The following MTOR variants were observed in gnomAD, a reference collection of about 807,000 sequenced individuals.
MTOR encodes the protein serine/threonine-protein kinase mTOR.
A neutral mutation model predicts 319.8 loss-of-function variants in MTOR; 70 were observed. The ratio of observed to expected loss-of-function variants is 0.22; its 90% CI spans 0.18 to 0.27. The LOEUF (loss-of-function observed/expected upper bound fraction) is 0.27, where lower values mean the gene tolerates loss of function less well. Ranked by LOEUF, MTOR falls within the 10% of genes least tolerant of loss-of-function variation. MTOR has a pLI of 1.00. For missense variants in MTOR, 1,890 were observed against 3,274.4 expected, an observed-to-expected ratio of 0.58 and a Z score of 10.32; for synonymous variants, 1,183 against 1,211.4, an observed-to-expected ratio of 0.98 and a Z score of 0.49.
At chr1:11,250,556 TC>T (rs1237203165) in intron 6 of MTOR, among the ~76,000 whole-genome samples, 1 of 152,230 alleles carries the variant, frequency 6.6e-6, no homozygotes, top group East Asian at 1.9e-4. Context: ...TCTGCCTTGG[TC>T]CTCTTCATCT....
chr1:11,225,649 G>A (rs1040341242), intron 19 of MTOR, among the ~76,000 whole-genome samples: 5 of 152,110 alleles, frequency 3.3e-5, no homozygotes, highest in East Asian at 1.9e-4. Context: ...GTTGAACTCC[G>A]AACCTCAGAT....
At chr1:11,149,826 C>T (rs1644075017) in intron 31 of MTOR, among the ~76,000 whole-genome samples, 1 of 152,178 alleles carries the variant, frequency 6.6e-6, no homozygotes, top group Admixed American at 6.5e-5. Flanking sequence ...CATCTGGCAT[C>T]AGTACTCTGT....
Position 11,199,713 on chromosome 1 carries a change from G to C in MTOR, c.3945-10C>G. ...AGCATTGAAGAGATCCCTGAAGGCA[G>C]AGAAGGTGGAAAATGGAGAGACCTC... is the stretch of plus-strand genomic sequence containing the variant. On this transcript the variant is annotated splice_polypyrimidine_tract_variant and intron_variant, in intron 26 of 57. Transcript: ENST00000361445. The surrounding 1 kb of genome is among the most constrained non-coding windows in gnomAD (Gnocchi z 4.5). The C allele has an allele frequency of 6.2e-7, 1 of 1,612,818 alleles. No individual in the cohort carries two copies. The highest frequency in any genetic ancestry group is 8.5e-7 in the Non-Finnish European group (1 of 1,178,946).
intron 38 of MTOR, chr1:11,131,485 G>C (rs1643156005): frequency 6.5e-6 from 1 of 152,674 alleles, no homozygotes; most frequent in Non-Finnish European, 1.5e-5. Flanking sequence ...TATTTCAAGG[G>C]AGCAAAGTTT....
intron 29 of MTOR, among the ~76,000 whole-genome samples, chr1:11,162,493 A>G (rs1362291056): frequency 6.6e-6 from 1 of 152,214 alleles, no homozygotes; most frequent in African/African-American, 2.4e-5. Flanking sequence ...CAGATTCACC[A>G]AAGGTGAAAT....
rs1649026001 is a variant in MTOR at position 11,247,634 on chromosome 1, CAGA to C, written c.1213_1215del (p.Ser405del). 2 of 1,613,934 alleles carry C rather than the reference CAGA, an allele frequency of 1.2e-6. No individual in the cohort carries two copies. Among genetic ancestry groups the C allele is most frequent in the Admixed American group, 1.7e-5 (1 of 59,988 alleles). On this transcript the variant is annotated inframe_deletion, in exon 8 of 58. Transcript: ENST00000361445. ...CCATGGACATCCTCACCTGTGAAGGCAGAAGGTCGGAATGCAGCCAAGCGGGGC... is the reference window on the plus strand; with the variant it reads ...CCATGGACATCCTCACCTGTGAAGGCAGGTCGGAATGCAGCCAAGCGGGGC...
intron 30 of MTOR, among the ~76,000 whole-genome samples, chr1:11,155,365 C>T (rs1557782019): frequency 6.6e-6 from 1 of 151,952 alleles, no homozygotes; most frequent in Non-Finnish European, 1.5e-5. Context: ...ATATACTACC[C>T]TGAAATATAG....
At position 11,128,731 on chromosome 1, in the gene MTOR, C is replaced by T; in HGVS notation, c.5811+124G>A. On this transcript the variant is annotated intron_variant, in intron 41 of 57. Coordinates refer to ENST00000361445, the MANE Select transcript of MTOR (RefSeq NM_004958.4). This position sits in a 1 kb window ranked among gnomAD's most constrained non-coding sequence, Gnocchi z 5.3. ...ATGGACACTTGACACTGGGACCGAGCCCTACTTCCTTAGCACTGTATTAAC... is the reference window on the plus strand; with the variant it reads ...ATGGACACTTGACACTGGGACCGAGTCCTACTTCCTTAGCACTGTATTAAC... 2.0e-6 allele frequency: 2 copies of T among 1,018,332 alleles called. No homozygotes were observed. The highest frequency in any genetic ancestry group is 1.5e-6 in the Non-Finnish European group (1 of 675,394). The allele number at this position is 1,018,332 out of a possible 1,614,324, so 63.1% of individuals were successfully genotyped here.
chr1:11,127,723 A>G lies in MTOR; in HGVS notation c.6117T>C (p.Phe2039=), dbSNP rs1642912763. ...EGLEEASRLY[F]GERNVKGMFE... ...ACATGCCTTTCACGTTCCTTTCCCCAAAGTACAAACGAGATGCCTCTTCCA... is the reference window on the plus strand; with the variant it reads ...ACATGCCTTTCACGTTCCTTTCCCCGAAGTACAAACGAGATGCCTCTTCCA... Residue 2039 remains phenylalanine (F), a synonymous_variant, in exon 44 of 58, where the codon TTT becomes TTC. Coordinates refer to ENST00000361445, the MANE Select transcript of MTOR (RefSeq NM_004958.4). This position sits in a 1 kb window ranked among gnomAD's most constrained non-coding sequence, Gnocchi z 5.5. The G allele has an allele frequency of 1.9e-6, 3 of 1,614,144 alleles. No homozygotes were observed. The highest frequency in any genetic ancestry group is 1.1e-5 in the South Asian group (1 of 91,092).
intron 38 of MTOR, chr1:11,131,964 T>TTCA (rs2100440716): frequency 6.6e-6 from 1 of 152,358 alleles, no homozygotes; most frequent in South Asian, 2.1e-4. Flanking sequence ...TTCCCATACC[T>TTCA]TCATTTATTC....
chr1:11,244,062 G>A (rs1433360523), intron 8 of MTOR, among the ~76,000 whole-genome samples: 4 of 151,670 alleles, frequency 2.6e-5, no homozygotes, highest in Admixed American at 2.6e-4. Flanking sequence ...GGACACCAAG[G>A]CAGGAGGATC....
At chr1:11,224,801 G>A (rs915594203) in intron 19 of MTOR, among the ~76,000 whole-genome samples, 4 of 151,900 alleles carry the variant, frequency 2.6e-5, no homozygotes, top group African/African-American at 9.7e-5. Flanking sequence ...ATAACTCAAG[G>A]GTAAAAGAAG....
Position 11,115,353 on chromosome 1 carries a change from T to A in MTOR, c.7089+43A>T, listed in dbSNP as rs769835039. On this transcript the variant is annotated intron_variant, in intron 51 of 57. Transcript: ENST00000361445. The surrounding 1 kb of genome is among the most constrained non-coding windows in gnomAD (Gnocchi z 4.5). ...AGTGTCAGAGGAGGGGGAAAAGTGA[T>A]CACCCGGGAAGATGAGGTTGGGGTT... The A allele has an allele frequency of 6.3e-7, 1 of 1,591,712 alleles. No individual in the cohort carries two copies. The highest frequency in any genetic ancestry group is 1.1e-5 in the South Asian group (1 of 90,584).
chr1:11,229,777 C>G (rs1032669087), intron 18 of MTOR, among the ~76,000 whole-genome samples: 5 of 152,032 alleles, frequency 3.3e-5, no homozygotes, highest in Admixed American at 2.6e-4. Flanking sequence ...CCCCATACCC[C>G]ACCCCCATTC....
intron 9 of MTOR, 74 bp from the exon 10 acceptor site, chr1:11,241,755 G>C: frequency 6.5e-7 from 1 of 1,545,148 alleles, no homozygotes; most frequent in Non-Finnish European, 8.8e-7. Flanking sequence ...ATCACCTTGG[G>C]GCAAGGAGAG....
intron 30 of MTOR, among the ~76,000 whole-genome samples, chr1:11,153,866 C>T (rs1466560150): frequency 6.6e-6 from 1 of 151,720 alleles, no homozygotes; most frequent in Non-Finnish European, 1.5e-5. Context: ...GTTGGGAGTT[C>T]AAGACCAGCC....
Position 11,186,991 on chromosome 1 carries a change from G to C in MTOR, c.4253+12267C>G, listed in dbSNP as rs549605430. 9.8e-4 allele frequency among the ~76,000 whole-genome samples: 149 copies of C among 152,332 alleles called. 1 individual carries two copies. The highest frequency in any genetic ancestry group is 5.2e-3 in the South Asian group (25 of 4,828). On this transcript the variant is annotated intron_variant, in intron 28 of 57. Transcript: ENST00000361445. ...GACCAGACACTCATGCTAAAGGCTA[G>C]ATGCTTCCAATACAAACTTACGAAC...
chr1:11,145,921 G>A (rs1223358550), intron 32 of MTOR, among the ~76,000 whole-genome samples: 1 of 152,190 alleles, frequency 6.6e-6, no homozygotes, highest in Non-Finnish European at 1.5e-5. Context: ...CTGTCCTTAT[G>A]AGGGAGTGTC....
chr1:11,203,459 G>A (rs923331200), intron 26 of MTOR, among the ~76,000 whole-genome samples: 23 of 152,132 alleles, frequency 1.5e-4, no homozygotes, highest in African/African-American at 5.1e-4. Flanking sequence ...CAGATCACTT[G>A]AGGCCAGGAG....
Sources: allele counts gnomAD v4.1 joint callset (sites outside exome capture counted in the v4.1 genomes callset), GRCh38; gene constraint gnomAD v4.1.1; non-coding constraint Gnocchi (gnomAD v3.1); transcripts MANE v1.5; gene names NCBI Gene and HGNC (gene_info 2026-07-23, HGNC 2026-07-21).